The following ROBO2 variants were observed in gnomAD, a reference collection of about 807,000 sequenced individuals.
ROBO2 encodes the protein roundabout homolog 2.
Under a neutral mutation model 160.8 loss-of-function variants are expected in ROBO2, and 53 were observed. The observed-to-expected ratio is 0.33, with a 90% CI of 0.26 to 0.41. The LOEUF (loss-of-function observed/expected upper bound fraction) is 0.41. ROBO2 is among the 10% of genes least tolerant of loss of function. The pLI is 1.00. For synonymous variants in ROBO2, 664 were observed against 611.7 expected (o/e 1.09, Z -1.26); for missense variants, 1,577 against 1,722.4 (o/e 0.92, Z 1.49).
At chr3:76,506,442 C>A (rs142979532) in intron 2 of ROBO2, among the ~76,000 whole-genome samples, 15 of 152,198 alleles carry the variant, frequency 9.9e-5, no homozygotes, top group African/African-American at 3.4e-4. Flanking sequence ...CGTTTTCTTG[C>A]CCCTGGATAT....
intron 21 of ROBO2, among the ~76,000 whole-genome samples, chr3:77,615,180 T>C (rs1473446177): frequency 6.6e-6 from 1 of 152,208 alleles, no homozygotes; most frequent in Non-Finnish European, 1.5e-5. Context: ...TTAAGAGTTT[T>C]TTTTTAAATA....
intron 2 of ROBO2, among the ~76,000 whole-genome samples, chr3:76,190,890 A>G (rs1701975881): frequency 6.6e-6 from 1 of 152,130 alleles, no homozygotes; most frequent in Admixed American, 6.6e-5. Flanking sequence ...TTAATTTATT[A>G]GTTCGTTCAT....
chr3:76,023,634 C>T (rs916954695), intron 2 of ROBO2, among the ~76,000 whole-genome samples: 1 of 151,354 alleles, frequency 6.6e-6, no homozygotes, highest in African/African-American at 2.4e-5. Context: ...CATAAAAGAT[C>T]GTTGATCACA....
intron 2 of ROBO2, among the ~76,000 whole-genome samples, chr3:77,233,357 T>A (rs764983636): frequency 2.0e-5 from 3 of 152,134 alleles, no homozygotes; most frequent in Non-Finnish European, 4.4e-5. Flanking sequence ...AGTTCTGTGG[T>A]TTACAGGTAG....
At chr3:77,394,952 T>G (rs1420911444) in intron 2 of ROBO2, among the ~76,000 whole-genome samples, 1 of 152,186 alleles carries the variant, frequency 6.6e-6, no homozygotes, top group Admixed American at 6.6e-5. Context: ...AGATCCTGCT[T>G]GCCTAAATAG....
chr3:77,238,151 T>A (rs2088374435), intron 2 of ROBO2, among the ~76,000 whole-genome samples: 1 of 152,214 alleles, frequency 6.6e-6, no homozygotes, highest in African/African-American at 2.4e-5. Flanking sequence ...CTAGTAGATC[T>A]TTTACAAATA....
intron 2 of ROBO2, among the ~76,000 whole-genome samples, chr3:77,134,177 A>C (rs927647385): frequency 1.4e-5 from 2 of 142,440 alleles, no homozygotes; most frequent in African/African-American, 5.3e-5. Flanking sequence ...ACTTTGGCTC[A>C]AAAAAAAAAG....
intron 2 of ROBO2, among the ~76,000 whole-genome samples, chr3:76,825,458 T>C (rs2066489178): frequency 6.6e-6 from 1 of 151,978 alleles, no homozygotes; most frequent in South Asian, 2.1e-4. Context: ...ATATTCAATA[T>C]GCAAACTTCC....
At chr3:76,699,483 A>ATG (rs945668557) in intron 2 of ROBO2, among the ~76,000 whole-genome samples, 31 of 152,168 alleles carry the variant, frequency 2.0e-4, no homozygotes, top group African/African-American at 7.2e-4. Context: ...GTCAACACAG[A>ATG]TGTGTGTGTG....
intron 1 of ROBO2, among the ~76,000 whole-genome samples, chr3:75,911,178 G>A (rs961420082): frequency 3.9e-5 from 6 of 152,134 alleles, no homozygotes; most frequent in African/African-American, 1.4e-4. Context: ...GAAGAACTGT[G>A]ATAAGAATGA....
intron 2 of ROBO2, among the ~76,000 whole-genome samples, chr3:76,910,968 T>A (rs2075959668): frequency 6.6e-6 from 1 of 152,154 alleles, no homozygotes; most frequent in Non-Finnish European, 1.5e-5. Flanking sequence ...CACAAAATTG[T>A]ATCCTAAATG....
At chr3:77,424,048 A>G (rs1383227436) in intron 2 of ROBO2, among the ~76,000 whole-genome samples, 1 of 152,196 alleles carries the variant, frequency 6.6e-6, no homozygotes, top group Non-Finnish European at 1.5e-5. Context: ...GATGCTCAGA[A>G]AAATACCTTG....
At chr3:76,049,000 A>T (rs1367884677) in intron 2 of ROBO2, among the ~76,000 whole-genome samples, 1 of 152,174 alleles carries the variant, frequency 6.6e-6, no homozygotes. Flanking sequence ...TATTAGAGGC[A>T]CATATGATGG....
intron 2 of ROBO2, among the ~76,000 whole-genome samples, chr3:76,690,038 G>A (rs374627236): frequency 6.6e-6 from 1 of 152,158 alleles, no homozygotes; most frequent in South Asian, 2.1e-4. Context: ...ACATTGCATG[G>A]CACCTACATT....
intron 2 of ROBO2, among the ~76,000 whole-genome samples, chr3:77,184,931 G>C (rs75400805): frequency 0.075 from 11,405 of 152,016 alleles, 485 homozygotes; most frequent in African/African-American, 0.11. Context: ...TAGCATCATA[G>C]ATGGCATGTA....
intron 1 of ROBO2, among the ~76,000 whole-genome samples, chr3:77,097,717 T>C (rs2150071394): frequency 6.6e-6 from 1 of 152,258 alleles, no homozygotes; most frequent in Middle Eastern, 3.4e-3. Context: ...CTCATCTTAG[T>C]ACCCATGCTG....
At chr3:77,209,581 G>A (rs1183547425) in intron 2 of ROBO2, among the ~76,000 whole-genome samples, 1 of 152,092 alleles carries the variant, frequency 6.6e-6, no homozygotes, top group Admixed American at 6.6e-5. Flanking sequence ...CGATTATAAC[G>A]TGGGTATGCC....
chr3:76,846,790 G>T (rs891479054), intron 2 of ROBO2, among the ~76,000 whole-genome samples: 3 of 152,094 alleles, frequency 2.0e-5, no homozygotes, highest in Non-Finnish European at 4.4e-5. Context: ...CAGCAAAGCA[G>T]CCGACTAAGA....
At chr3:76,511,643 T>C (rs1445993646) in intron 2 of ROBO2, among the ~76,000 whole-genome samples, 3 of 152,176 alleles carry the variant, frequency 2.0e-5, no homozygotes, top group African/African-American at 7.2e-5. Flanking sequence ...AAGGATGCCA[T>C]ATATGCTATT....
Sources: gnomAD v4.1 joint callset for allele counts (sites outside exome capture counted in the v4.1 genomes callset) on GRCh38, gnomAD v4.1.1 for gene constraint, MANE v1.5 for transcripts, NCBI Gene and HGNC (gene_info 2026-07-23, HGNC 2026-07-21) for gene names.